NRG1: variants seen among roughly 807,000 people sequenced by gnomAD.
NRG1 encodes the protein pro-neuregulin-1, membrane-bound isoform.
Under a neutral mutation model 63.8 loss-of-function variants are expected in NRG1, and 18 were observed. The observed-to-expected ratio is 0.28, with a 90% CI of 0.19 to 0.42. The LOEUF is 0.42. Among genes scored for constraint, NRG1 ranks in the 10% least tolerant of loss-of-function variants. The pLI is 1.00. For missense variants in NRG1, 762 were observed against 814.7 expected, an observed-to-expected ratio of 0.94 and a Z score of 0.79; for synonymous variants, 302 against 301.3, an observed-to-expected ratio of 1.00 and a Z score of -0.02.
chr8:32,547,841 C>T (rs2129522893), upstream of NRG1, among the ~76,000 whole-genome samples: 1 of 152,306 alleles, frequency 6.6e-6, no homozygotes, highest in East Asian at 1.9e-4. Context: ...CGCACCCCTC[C>T]CAGGGTTCCT....
In NRG1 at chr8:32,278,447, A is replaced by C. The variant is rs113870664; in HGVS notation, c.38-317381A>C. Reference sequence around the variant, plus strand: ...AACTAAAATTAGGAACCAAAATTGCATCCCCTGCCCATTCACACTTTTGGA... The same window carrying C: ...AACTAAAATTAGGAACCAAAATTGCCTCCCCTGCCCATTCACACTTTTGGA... On this transcript the variant is annotated intron_variant, in intron 1 of 10. Transcript: ENST00000519301. 2.3e-3 allele frequency among the ~76,000 whole-genome samples: 357 copies of C among 152,322 alleles called. 3 individuals carry two copies. The highest frequency in any genetic ancestry group is 8.4e-3 in the African/African-American group (349 of 41,570).
At chr8:31,755,241 T>C (rs996633375) in intron 1 of NRG1, among the ~76,000 whole-genome samples, 1 of 152,120 alleles carries the variant, frequency 6.6e-6, no homozygotes, top group African/African-American at 2.4e-5. Context: ...TGTCCAGCTG[T>C]AATCCCAATT....
chr8:31,719,047 A>G (rs1318589526), intron 1 of NRG1, among the ~76,000 whole-genome samples: 1 of 152,212 alleles, frequency 6.6e-6, no homozygotes, highest in Non-Finnish European at 1.5e-5. Context: ...TATATGTATC[A>G]GTGTGATCTG....
At chr8:32,168,686 A>G (rs2131983086) in intron 1 of NRG1, among the ~76,000 whole-genome samples, 1 of 152,312 alleles carries the variant, frequency 6.6e-6, no homozygotes, top group African/African-American at 2.4e-5. Context: ...ACAGAATTAG[A>G]AAATCAATGT....
intron 1 of NRG1, among the ~76,000 whole-genome samples, chr8:31,937,265 C>T (rs1357465561): frequency 6.6e-6 from 1 of 152,050 alleles, no homozygotes; most frequent in African/African-American, 2.4e-5. Context: ...GAGCACTTTG[C>T]TCTTTTGGTT....
chr8:31,799,134 A>G (rs544714742), intron 1 of NRG1, among the ~76,000 whole-genome samples: 1 of 152,142 alleles, frequency 6.6e-6, no homozygotes, highest in South Asian at 2.1e-4. Context: ...TGTACTTTAA[A>G]TATAAAGATC....
intron 1 of NRG1, among the ~76,000 whole-genome samples, chr8:32,303,940 GT>G (rs1855912595): frequency 6.6e-6 from 1 of 152,144 alleles, no homozygotes; most frequent in African/African-American, 2.4e-5. Flanking sequence ...AATAAAAGCT[GT>G]AAGTTTCAAA....
chr8:31,910,701 C>T (rs796549), intron 1 of NRG1, among the ~76,000 whole-genome samples: 31,295 of 151,980 alleles, frequency 0.21, 4,735 homozygotes, highest in African/African-American at 0.42. Flanking sequence ...ATATGTGATA[C>T]GTAAACAGGA....
At chr8:32,589,901 T>C (rs758734659) in intron 1 of NRG1, among the ~76,000 whole-genome samples, 1 of 152,206 alleles carries the variant, frequency 6.6e-6, no homozygotes, top group Non-Finnish European at 1.5e-5. Flanking sequence ...TAAATGAACA[T>C]GTTGCATTGA....
intron 1 of NRG1, among the ~76,000 whole-genome samples, chr8:32,367,745 G>A (rs1027258104): frequency 3.9e-5 from 6 of 152,020 alleles, no homozygotes; most frequent in South Asian, 2.1e-4. Context: ...CAAGATCTTC[G>A]CCCAGACCAA....
chr8:32,717,262 G>A (rs575428497), intron 5 of NRG1, among the ~76,000 whole-genome samples: 18 of 152,140 alleles, frequency 1.2e-4, no homozygotes, highest in African/African-American at 3.6e-4. Flanking sequence ...AAAGGAAATC[G>A]TTTTCTTTAA....
chr8:32,507,770 T>G (rs988944805), intron 1 of NRG1, among the ~76,000 whole-genome samples: 2 of 139,968 alleles, frequency 1.4e-5, no homozygotes, highest in African/African-American at 5.1e-5. Flanking sequence ...TGACCTTGGC[T>G]TACTGCAACC....
intron 1 of NRG1, among the ~76,000 whole-genome samples, chr8:32,146,702 T>G (rs918720724): frequency 6.6e-6 from 1 of 152,162 alleles, no homozygotes; most frequent in South Asian, 2.1e-4. Flanking sequence ...GTTCAAGCTT[T>G]ATAATTTGCT....
intron 1 of NRG1, among the ~76,000 whole-genome samples, chr8:32,167,796 G>A (rs750680180): frequency 1.7e-4 from 26 of 152,210 alleles, no homozygotes; most frequent in African/African-American, 2.7e-4. Flanking sequence ...ATTGGGCAGC[G>A]AAACAGAATG....
intron 1 of NRG1, among the ~76,000 whole-genome samples, chr8:32,419,011 A>G (rs1816322773): frequency 6.6e-6 from 1 of 152,222 alleles, no homozygotes; most frequent in African/African-American, 2.4e-5. Context: ...ACTGAGTTGG[A>G]AATCATCATG....
chr8:32,527,391 T>C (rs1830970178), intron 1 of NRG1, among the ~76,000 whole-genome samples: 1 of 152,148 alleles, frequency 6.6e-6, no homozygotes, highest in South Asian at 2.1e-4. Context: ...GGCCATTATC[T>C]TAAGTGAGAT....
At chr8:32,193,400 T>G (rs1342096576) in intron 1 of NRG1, among the ~76,000 whole-genome samples, 1 of 152,094 alleles carries the variant, frequency 6.6e-6, no homozygotes, top group Non-Finnish European at 1.5e-5. Context: ...TCCATCTTAA[T>G]GCAGGCTTTT....
chr8:32,498,257 T>C lies in NRG1; in HGVS notation c.38-97571T>C, dbSNP rs192726227. Among the ~76,000 whole-genome samples the C allele has an allele frequency of 2.8e-3, 433 of 152,258 alleles. 1 individual carries two copies. Among genetic ancestry groups the C allele is most frequent in the Middle Eastern group, 0.014 (4 of 294 alleles). On this transcript the variant is annotated intron_variant, in intron 1 of 10. Transcript: ENST00000519301. ...GGTTTGGGCATCAATGAGTGGCGAA[T>C]TGTGGAGAAGTGACTAGAAAATGTA...
chr8:31,977,976 C>T (rs1429329013), intron 1 of NRG1, among the ~76,000 whole-genome samples: 1 of 152,020 alleles, frequency 6.6e-6, no homozygotes, highest in Non-Finnish European at 1.5e-5. Context: ...GATAGATGTT[C>T]AGTGCCTCAA....
Sources: gnomAD v4.1 joint callset for allele counts (sites outside exome capture counted in the v4.1 genomes callset) on GRCh38, gnomAD v4.1.1 for gene constraint, MANE v1.5 for transcripts, NCBI Gene and HGNC (gene_info 2026-07-23, HGNC 2026-07-21) for gene names.